DIPK1A: variants seen among roughly 807,000 people sequenced by gnomAD.
The protein encoded by DIPK1A is family with sequence similarity 69 member A.
Under a neutral mutation model 40.8 loss-of-function variants are expected in DIPK1A, and 27 were observed. The ratio of observed to expected loss-of-function variants is 0.66; its 90% CI spans 0.49 to 0.91. The LOEUF is 0.91. DIPK1A is among the 40% of genes least tolerant of loss of function. DIPK1A has a pLI of 0.00. For missense variants in DIPK1A, 412 were observed against 505.7 expected, an observed-to-expected ratio of 0.81 and a Z score of 1.78; for synonymous variants, 166 against 171.3, an observed-to-expected ratio of 0.97 and a Z score of 0.24.
At chr1:92,890,672 A>C (rs181802312) in intron 1 of DIPK1A, among the ~76,000 whole-genome samples, 40 of 152,286 alleles carry the variant, frequency 2.6e-4, no homozygotes, top group South Asian at 6.2e-4. Flanking sequence ...ATCCCATTTG[A>C]TCATGGTAAA....
intron 2 of DIPK1A, among the ~76,000 whole-genome samples, chr1:92,859,197 T>A (rs1688088018): frequency 6.6e-6 from 1 of 152,162 alleles, no homozygotes; most frequent in African/African-American, 2.4e-5. Context: ...AAAAATGTAT[T>A]TCAGACAAAC....
intron 2 of DIPK1A, among the ~76,000 whole-genome samples, chr1:92,868,291 C>A (rs935782404): frequency 6.6e-6 from 1 of 152,164 alleles, no homozygotes; most frequent in Non-Finnish European, 1.5e-5. Context: ...TCAAGAAGTT[C>A]TTCACAGTGG....
intron 1 of DIPK1A, among the ~76,000 whole-genome samples, chr1:92,899,266 C>G (rs976033565): frequency 2.6e-5 from 4 of 152,184 alleles, no homozygotes; most frequent in Non-Finnish European, 4.4e-5. Flanking sequence ...GTTATATCCT[C>G]TGGCTGAATT....
chr1:92,872,960 T>C (rs1647944379), intron 2 of DIPK1A, among the ~76,000 whole-genome samples: 1 of 152,214 alleles, frequency 6.6e-6, no homozygotes, highest in Non-Finnish European at 1.5e-5. Flanking sequence ...GCTGTATGCA[T>C]GAGGTTCCCC....
intron 1 of DIPK1A, among the ~76,000 whole-genome samples, chr1:92,948,337 G>A (rs913801747): frequency 6.6e-6 from 1 of 152,140 alleles, no homozygotes; most frequent in Non-Finnish European, 1.5e-5. Flanking sequence ...ACATGAGGTG[G>A]TGGTGGCAGG....
chr1:92,855,639 G>T (rs2100736235), intron 2 of DIPK1A, among the ~76,000 whole-genome samples: 1 of 151,936 alleles, frequency 6.6e-6, no homozygotes, highest in Admixed American at 6.6e-5. Context: ...ATGAGGTTGA[G>T]GCTGCCACGA....
At chr1:92,890,578 G>T (rs1340439840) in intron 1 of DIPK1A, among the ~76,000 whole-genome samples, 1 of 152,120 alleles carries the variant, frequency 6.6e-6, no homozygotes, top group Non-Finnish European at 1.5e-5. Flanking sequence ...ATGACCATAA[G>T]GTTTTTGTCT....
chr1:92,860,330 A>G (rs1571065408), intron 2 of DIPK1A, among the ~76,000 whole-genome samples: 1 of 152,144 alleles, frequency 6.6e-6, no homozygotes, highest in East Asian at 1.9e-4. Context: ...AATATGCATT[A>G]ATTTTAAGTG....
At chr1:92,887,677 G>A (rs1233238881) in intron 1 of DIPK1A, among the ~76,000 whole-genome samples, 2 of 152,174 alleles carry the variant, frequency 1.3e-5, no homozygotes, top group African/African-American at 2.4e-5. Flanking sequence ...AAGTTTTGGG[G>A]AAATTTATTA....
intron 1 of DIPK1A, among the ~76,000 whole-genome samples, chr1:92,921,389 A>G (rs2100853938): frequency 6.6e-6 from 1 of 152,374 alleles, no homozygotes; most frequent in East Asian, 1.9e-4. Context: ...TGACCATATC[A>G]GACCAAATCC....
At chr1:92,903,102 T>C (rs1204507484) in intron 1 of DIPK1A, among the ~76,000 whole-genome samples, 1 of 152,210 alleles carries the variant, frequency 6.6e-6, no homozygotes, top group Non-Finnish European at 1.5e-5. Context: ...TTGCCCAGGC[T>C]GGAATGCAGT....
chr1:92,891,991 G>C (rs1221319887), intron 1 of DIPK1A, among the ~76,000 whole-genome samples: 1 of 152,070 alleles, frequency 6.6e-6, no homozygotes, highest in African/African-American at 2.4e-5. Context: ...GGCTTGAGTA[G>C]GTAAACAACG....
intron 1 of DIPK1A, among the ~76,000 whole-genome samples, chr1:92,952,315 T>C (rs935967851): frequency 1.3e-5 from 2 of 152,208 alleles, no homozygotes; most frequent in Non-Finnish European, 2.9e-5. Flanking sequence ...TATGATACTT[T>C]TTACCCTAAA....
chr1:92,871,457 A>G (rs61318253), intron 2 of DIPK1A, among the ~76,000 whole-genome samples: 4,968 of 152,114 alleles, frequency 0.033, 264 homozygotes, highest in African/African-American at 0.11. Context: ...GAGACACTGC[A>G]CCCGGCCTCT....
intron 2 of DIPK1A, among the ~76,000 whole-genome samples, chr1:92,861,834 T>C (rs1458368313): frequency 7.2e-5 from 11 of 151,890 alleles, no homozygotes; most frequent in East Asian, 1.9e-4. Context: ...CAGTCTGGAG[T>C]GCAGTGGCGT....
intron 3 of DIPK1A, among the ~76,000 whole-genome samples, chr1:92,849,068 G>A (rs1005218084): frequency 6.6e-6 from 1 of 151,896 alleles, no homozygotes; most frequent in Non-Finnish European, 1.5e-5. Flanking sequence ...TTGTGATTTA[G>A]TTCATCCTGT....
At chr1:92,851,255 G>A (rs565028296) in intron 2 of DIPK1A, among the ~76,000 whole-genome samples, 15 of 152,078 alleles carry the variant, frequency 9.9e-5, no homozygotes, top group Non-Finnish European at 1.6e-4. Context: ...AAATGGTTCC[G>A]GTTTTAGGCC....
intron 1 of DIPK1A, among the ~76,000 whole-genome samples, chr1:92,884,514 C>T (rs912104318): frequency 6.6e-6 from 1 of 151,942 alleles, no homozygotes; most frequent in Non-Finnish European, 1.5e-5. Flanking sequence ...TTCATATTAC[C>T]TTATTATTTC....
chr1:92,839,425 T>A (rs1022085782), downstream of DIPK1A, among the ~76,000 whole-genome samples: 1 of 152,152 alleles, frequency 6.6e-6, no homozygotes, highest in African/African-American at 2.4e-5. Context: ...TCTGACATCT[T>A]TCTGGTCTAG....
Sources: gnomAD v4.1 joint callset for allele counts (sites outside exome capture counted in the v4.1 genomes callset) on GRCh38, gnomAD v4.1.1 for gene constraint, MANE v1.5 for transcripts, NCBI Gene and HGNC (gene_info 2026-07-23, HGNC 2026-07-21) for gene names.